The following PCGF5 variants were observed in gnomAD, a reference collection of about 807,000 sequenced individuals.
The protein encoded by PCGF5 is polycomb group RING finger protein 5.
Under a neutral mutation model 44.3 loss-of-function variants are expected in PCGF5, and 9 were observed. The observed-to-expected ratio is 0.20, with a 90% confidence interval of 0.12 to 0.35. The LOEUF is 0.35. Among genes scored for constraint, PCGF5 ranks in the 10% least tolerant of loss-of-function variants. The probability of loss-of-function intolerance (pLI) is 1.00; values close to 1 mark genes in which losing one functional copy is unlikely to be tolerated. For missense variants in PCGF5, 146 were observed against 305.3 expected, an observed-to-expected ratio of 0.48 and a Z score of 3.89; for synonymous variants, 95 against 102.5, an observed-to-expected ratio of 0.93 and a Z score of 0.44.
intron 7 of PCGF5, among the ~76,000 whole-genome samples, chr10:91,262,542 TGAA>T (rs1449481957): frequency 3.3e-5 from 5 of 152,214 alleles, no homozygotes; most frequent in African/African-American, 1.2e-4. Context: ...ATGAATATCA[TGAA>T]GAGTCATCAT....
chr10:91,275,188 A>G (rs902053055), intron 9 of PCGF5, among the ~76,000 whole-genome samples: 1 of 152,168 alleles, frequency 6.6e-6, no homozygotes, highest in Non-Finnish European at 1.5e-5. Context: ...ATATGTAAGA[A>G]AAAGCTCAGC....
In PCGF5 at chr10:91,282,665, A is replaced by G. The variant is rs1225909330; in HGVS notation, c.*4349A>G. The G allele has an allele frequency of 6.6e-6, 1 of 152,638 alleles. No individual in the cohort carries two copies. The highest frequency in any genetic ancestry group is 1.9e-4 in the East Asian group (1 of 5,190). 9.5% of individuals were successfully genotyped at this position (152,638 alleles called of 1,614,324 possible). ...TCATGCTATGGGCTACCTTAAAGGT[A>G]AAACTCATCTTATGGAGTCTTTCTG... is the stretch of plus-strand genomic sequence containing the variant. On this transcript the variant is annotated 3_prime_UTR_variant, in exon 10 of 10. Transcript: ENST00000336126.
chr10:91,261,311 C>G lies in PCGF5; in HGVS notation c.475-15C>G. The G allele has an allele frequency of 6.8e-7, 1 of 1,480,664 alleles. No individual in the cohort carries two copies. Among genetic ancestry groups the G allele is most frequent in the Admixed American group, 2.1e-5 (1 of 47,572 alleles). 91.7% of individuals were successfully genotyped at this position (1,480,664 alleles called of 1,614,324 possible). Reference sequence around the variant, plus strand: ...CTGGTAGAACATTTTAACTGGTAATCTTTATTTCCTTTAGGGTTTAATGAA... The same window carrying G: ...CTGGTAGAACATTTTAACTGGTAATGTTTATTTCCTTTAGGGTTTAATGAA... On this transcript the variant is annotated splice_polypyrimidine_tract_variant and intron_variant, in intron 6 of 9. Transcript: ENST00000336126.
chr10:91,212,793 T>G (rs1266466575), intron 1 of PCGF5, among the ~76,000 whole-genome samples: 1 of 152,212 alleles, frequency 6.6e-6, no homozygotes, highest in Non-Finnish European at 1.5e-5. Flanking sequence ...TCTTAAGATT[T>G]TTTTCTTAGC....
At chr10:91,277,270 T>G (rs1479967100) in intron 9 of PCGF5, among the ~76,000 whole-genome samples, 1 of 152,224 alleles carries the variant, frequency 6.6e-6, no homozygotes, top group Non-Finnish European at 1.5e-5. Flanking sequence ...AGTCTAGCCC[T>G]TTTATCTATA....
At chr10:91,232,495 A>G (rs1331016719) in intron 2 of PCGF5, among the ~76,000 whole-genome samples, 2 of 152,180 alleles carry the variant, frequency 1.3e-5, no homozygotes, top group African/African-American at 4.8e-5. Context: ...AAGTGGTTTT[A>G]GGGGGTTCTT....
At chr10:91,166,566 C>T (rs1723858002) in intron 1 of PCGF5, among the ~76,000 whole-genome samples, 2 of 151,834 alleles carry the variant, frequency 1.3e-5, no homozygotes, top group African/African-American at 2.4e-5. Flanking sequence ...AGTCTTAAAA[C>T]TTGTAAGTGT....
At chr10:91,261,250 C>T (rs1845901481) in intron 6 of PCGF5, 76 bp from the exon 7 acceptor site, 1 of 1,358,598 alleles carries the variant, frequency 7.4e-7, no homozygotes, top group Non-Finnish European at 9.6e-7. Flanking sequence ...AAACTGGTAG[C>T]TATGGTTTCA....
chr10:91,231,631 C>T (rs913770138), intron 2 of PCGF5, among the ~76,000 whole-genome samples: 3 of 152,152 alleles, frequency 2.0e-5, no homozygotes. Context: ...GCCGCAGGCA[C>T]GTGGCGCAGT....
In PCGF5 at chr10:91,281,390, A is replaced by G. The variant is rs1846450054; in HGVS notation, c.*3074A>G. The G allele has an allele frequency of 6.6e-6, 1 of 152,556 alleles. No individual in the cohort carries two copies. Among genetic ancestry groups the G allele is most frequent in the African/African-American group, 2.4e-5 (1 of 41,444 alleles). The allele number at this position is 152,556 out of a possible 1,614,324, so 9.5% of individuals were successfully genotyped here. A position where few individuals can be genotyped will look rare whatever the true frequency, so the allele number is the denominator to read the frequency against. On this transcript the variant is annotated 3_prime_UTR_variant, in exon 10 of 10. Coordinates refer to ENST00000336126, the MANE Select transcript of PCGF5 (RefSeq NM_032373.5). Reference sequence around the variant, plus strand: ...AATTTAAACTGATTATTTAAGGAAAAAAAGTGTGTTATATAATATTGTGAA... The same window carrying G: ...AATTTAAACTGATTATTTAAGGAAAGAAAGTGTGTTATATAATATTGTGAA...
intron 9 of PCGF5, 23 bp downstream of exon 9, chr10:91,271,720 C>T: frequency 6.3e-7 from 1 of 1,592,298 alleles, no homozygotes; most frequent in Non-Finnish European, 8.6e-7. Context: ...CACGACTGTA[C>T]ATATGACCAT....
chr10:91,212,151 TGTTA>T (rs1216715797), intron 1 of PCGF5, among the ~76,000 whole-genome samples: 1 of 152,186 alleles, frequency 6.6e-6, no homozygotes, highest in East Asian at 1.9e-4. Context: ...CTCATTCCAT[TGTTA>T]GTTATTAGGC....
intron 1 of PCGF5, among the ~76,000 whole-genome samples, chr10:91,208,091 T>C (rs1156964657): frequency 6.6e-6 from 1 of 152,240 alleles, no homozygotes; most frequent in Non-Finnish European, 1.5e-5. Context: ...TTTTTCTTAA[T>C]AGTTTTAGGA....
intron 2 of PCGF5, among the ~76,000 whole-genome samples, chr10:91,229,394 C>G (rs1316454411): frequency 6.6e-6 from 1 of 152,034 alleles, no homozygotes; most frequent in African/African-American, 2.4e-5. Context: ...TGAGCAGGGA[C>G]TAAAATAATA....
intron 1 of PCGF5, among the ~76,000 whole-genome samples, chr10:91,210,727 G>GTC (rs1053280944): frequency 6.6e-6 from 1 of 152,188 alleles, no homozygotes; most frequent in African/African-American, 2.4e-5. Flanking sequence ...CTGTTGTTTG[G>GTC]TCTCTCCCTT....
chr10:91,247,614 A>G (rs1845501098), intron 3 of PCGF5, among the ~76,000 whole-genome samples: 1 of 151,888 alleles, frequency 6.6e-6, no homozygotes, highest in Non-Finnish European at 1.5e-5. Flanking sequence ...GGGGCAAGAG[A>G]ATGGGATTGA....
intron 2 of PCGF5, among the ~76,000 whole-genome samples, chr10:91,230,833 G>A (rs1844982546): frequency 6.6e-6 from 1 of 151,792 alleles, no homozygotes; most frequent in Non-Finnish European, 1.5e-5. Context: ...ATGTTGCCCA[G>A]CCTGGTCTTG....
chr10:91,225,550 G>A (rs1036701279), intron 2 of PCGF5, among the ~76,000 whole-genome samples: 4 of 151,490 alleles, frequency 2.6e-5, no homozygotes, highest in Non-Finnish European at 5.9e-5. Context: ...GTACTCCATC[G>A]CATCTCTGAG....
At chr10:91,182,795 T>C (rs1416216866) in intron 1 of PCGF5, among the ~76,000 whole-genome samples, 1 of 152,084 alleles carries the variant, frequency 6.6e-6, no homozygotes, top group Non-Finnish European at 1.5e-5. Flanking sequence ...ATTTCATTAT[T>C]TGAGATTCTG....
Sources: gnomAD v4.1 joint callset for allele counts (sites outside exome capture counted in the v4.1 genomes callset) on GRCh38, gnomAD v4.1.1 for gene constraint, MANE v1.5 for transcripts, NCBI Gene and HGNC (gene_info 2026-07-23, HGNC 2026-07-21) for gene names.